ZNF862: variants seen among roughly 807,000 people sequenced by gnomAD.
ZNF862 encodes zinc finger protein 862.
A neutral mutation model predicts 91.1 loss-of-function variants in ZNF862; 64 were observed. The ratio of observed to expected loss-of-function variants is 0.70; its 90% CI spans 0.57 to 0.87. The LOEUF is 0.87. ZNF862 is among the 40% of genes least tolerant of loss of function. ZNF862 has a pLI of 0.00. For missense variants in ZNF862, 1,459 were observed against 1,528.0 expected (o/e 0.95, Z 0.75); for synonymous variants, 631 against 618.1 (o/e 1.02, Z -0.31).
intron 6 of ZNF862, 113 bp from the exon 7 acceptor site, chr7:149,860,270 C>T (rs897275559): frequency 3.3e-6 from 3 of 919,314 alleles, no homozygotes; most frequent in Admixed American, 5.8e-5. Context: ...GGATTGCATT[C>T]ATCTTCTCTG....
Position 149,861,170 on chromosome 7 carries a change from C to A in ZNF862, c.2010C>A (p.Tyr670Ter), listed in dbSNP as rs1386332211. 2.5e-6 allele frequency: 4 copies of A among 1,612,974 alleles called. No homozygotes were observed. The highest frequency in any genetic ancestry group is 3.4e-6 in the Non-Finnish European group (4 of 1,179,806). ...TCTACAGTGAGACAGCAGATGGGTA[C>A]TTCGAGACCATCGTTTCTGCCCTGG... ...APLYSETADG[Y>*]FETIVSALDE... Residue 670 changes from tyrosine to a stop codon, truncating the protein, a stop_gained, in exon 7 of 8, where the codon TAC (tyrosine) becomes TAA (stop). Coordinates refer to ENST00000223210, the MANE Select transcript of ZNF862 (RefSeq NM_001099220.3). LOFTEE classifies it high-confidence loss of function. This position sits in a 1 kb window ranked among gnomAD's most constrained non-coding sequence, Gnocchi z 6.7.
intron 7 of ZNF862, 29 bp from the exon 8 acceptor site, chr7:149,864,080 C>A: frequency 1.9e-6 from 3 of 1,551,164 alleles, no homozygotes; most frequent in Non-Finnish European, 2.6e-6. Context: ...GTCAGTCAGT[C>A]TAATTGTATT....
intron 2 of ZNF862, 148 bp from the exon 3 acceptor site, chr7:149,846,003 A>T (rs1801855469): frequency 3.2e-6 from 2 of 627,290 alleles, no homozygotes; most frequent in South Asian, 1.9e-5. Context: ...GTGCTGAACC[A>T]CCAAGACTCC....
At position 149,860,986 on chromosome 7, in the gene ZNF862, C is replaced by T. The variant is rs535854403; in HGVS notation, c.1826C>T (p.Thr609Ile). ...CTQFIKYISE[T>I]LKREILEDVR... ...CAGTTCATCAAGTACATCTCAGAGA[C>T]CCTGAAGAGGGAGATCCTGGAGGAC... The change falls in exon 7 of 8, where the codon ACC (threonine) becomes ATC (isoleucine). Residue 609 changes from threonine to isoleucine, a missense_variant. Coordinates refer to ENST00000223210, the MANE Select transcript of ZNF862 (RefSeq NM_001099220.3). The T allele has an allele frequency of 3.7e-6, 6 of 1,613,484 alleles. No homozygotes were observed. Among genetic ancestry groups the T allele is most frequent in the Non-Finnish European group, 5.1e-6 (6 of 1,179,788 alleles).
At chr7:149,841,652 C>T (rs931546628) in intron 1 of ZNF862, 80 of 985,206 alleles carry the variant, frequency 8.1e-5, no homozygotes, top group Non-Finnish European at 2.5e-5. Flanking sequence ...CCTCATGTGC[C>T]TCCTAGGAGA....
At position 149,848,327 on chromosome 7, in the gene ZNF862, T is replaced by G. The variant is rs776015496; in HGVS notation, c.834T>G (p.Tyr278Ter). The change falls in exon 4 of 8, where the codon TAT becomes TAG. Residue 278 changes from tyrosine to a stop codon, truncating the protein, a stop_gained. Transcript: ENST00000223210. LOFTEE classifies it high-confidence loss of function. ...PGGDGAIPAM[Y>*]LDCISDLRQK... ...GGGATGGAGCAATTCCTGCAATGTA[T>G]CTAGACTGCATTTCAGATTTGAGGC... The G allele has an allele frequency of 6.2e-7, 1 of 1,607,980 alleles. No individual in the cohort carries two copies. Among genetic ancestry groups the G allele is most frequent in the East Asian group, 2.2e-5 (1 of 44,794 alleles).
At chr7:149,856,115 A>G (rs1267477239) in intron 5 of ZNF862, 2 of 152,228 alleles carry the variant, frequency 1.3e-5, no homozygotes, top group African/African-American at 2.4e-5. Context: ...GCCCTCAGCC[A>G]TTCTCTTTCC....
chr7:149,841,661 G>C, intron 1 of ZNF862: 2 of 985,436 alleles, frequency 2.0e-6, no homozygotes, highest in Non-Finnish European at 2.4e-6. Context: ...CCTCCTAGGA[G>C]ACTGTGCTGT....
At chr7:149,846,290 G>C in intron 3 of ZNF862, 35 bp downstream of exon 3, 1 of 1,544,638 alleles carries the variant, frequency 6.5e-7, no homozygotes, top group Non-Finnish European at 8.9e-7. Context: ...GCAGATGCTT[G>C]GCTGGAGAGG....
chr7:149,862,827 A>G (rs1055124646), intron 7 of ZNF862, among the ~76,000 whole-genome samples: 1 of 152,348 alleles, frequency 6.6e-6, no homozygotes, highest in East Asian at 1.9e-4. Context: ...CATCTGCCGA[A>G]TGAGTTGTGT....
intron 1 of ZNF862, among the ~76,000 whole-genome samples, chr7:149,843,674 A>C (rs900946767): frequency 5.9e-5 from 9 of 152,290 alleles, no homozygotes; most frequent in Admixed American, 2.0e-4. Context: ...CCGAAAATGT[A>C]ATAGCTCTGT....
rs1334191666 is a variant in ZNF862 at position 149,866,219 on chromosome 7, C to A, written c.*1935C>A. ...CCTGTGGGTCTGGCGGTCAGAGGGA[C>A]CCCACAGGCCTGTGGTGCGGGAGCT... On this transcript the variant is annotated 3_prime_UTR_variant, in exon 8 of 8. Transcript: ENST00000223210. The A allele has an allele frequency of 6.6e-6, 1 of 152,144 alleles. No individual in the cohort carries two copies. The highest frequency in any genetic ancestry group is 1.9e-4 in the East Asian group (1 of 5,184). 9.4% of individuals were successfully genotyped at this position (152,144 alleles called of 1,614,324 possible).
chr7:149,853,665 C>T (rs1036610633), intron 5 of ZNF862, among the ~76,000 whole-genome samples: 12 of 152,110 alleles, frequency 7.9e-5, no homozygotes, highest in African/African-American at 2.2e-4. Flanking sequence ...CTGCCGGGTG[C>T]GGTGGCTCAC....
chr7:149,841,711 T>C (rs1801710684), intron 1 of ZNF862: 1 of 985,458 alleles, frequency 1.0e-6, no homozygotes, highest in South Asian at 4.7e-5. Context: ...TACTTGTTGC[T>C]GTATGTATTT....
intron 5 of ZNF862, among the ~76,000 whole-genome samples, chr7:149,857,966 C>A (rs1304312977): frequency 6.6e-6 from 1 of 152,120 alleles, no homozygotes; most frequent in Non-Finnish European, 1.5e-5. Context: ...GGTCTGGAGC[C>A]TTTCTGGATA....
At chr7:149,844,102 A>G (rs928424023) in intron 1 of ZNF862, among the ~76,000 whole-genome samples, 1 of 152,146 alleles carries the variant, frequency 6.6e-6, no homozygotes, top group African/African-American at 2.4e-5. Flanking sequence ...AACTCCTCCA[A>G]ACACTTTCTG....
At position 149,861,747 on chromosome 7, in the gene ZNF862, G is replaced by A. The variant is rs767329657; in HGVS notation, c.2587G>A (p.Val863Met). ...PLSEVCQKEI[V>M]LITEVNATLG... ...GTCCGAGGTGTGCCAGAAGGAGATC[G>A]TGCTGATTACAGAGGTGAACGCCAC... The change falls in exon 7 of 8, where the codon GTG becomes ATG. Residue 863 changes from valine to methionine, a missense_variant. Physicochemically the swap from Val to Met is conservative, Grantham distance 21. Transcript: ENST00000223210. This position sits in a 1 kb window ranked among gnomAD's most constrained non-coding sequence, Gnocchi z 6.7. 9 of 1,613,596 alleles carry A rather than the reference G, an allele frequency of 5.6e-6. No individual in the cohort carries two copies. In the East Asian group the frequency reaches 8.9e-5, roughly 16 times the overall value.
At position 149,860,515 on chromosome 7, in the gene ZNF862, G is replaced by A; in HGVS notation, c.1355G>A (p.Gly452Glu). ...TCCAGCATTTGTGAGGAAGGAGATG[G>A]ACCTAGGAGAATCAAGAGGACATAC... The part of the protein sequence containing the change: ...CSSSICEEGD[G>E]PRRIKRTYRP... Residue 452 changes from glycine (G) to glutamate (E), a missense_variant, in exon 7 of 8, where the codon GGA becomes GAA. Transcript: ENST00000223210. The A allele has an allele frequency of 6.2e-7, 1 of 1,613,968 alleles. No homozygotes were observed. The highest frequency in any genetic ancestry group is 8.5e-7 in the Non-Finnish European group (1 of 1,179,890).
chr7:149,861,207 A>G lies in ZNF862; in HGVS notation c.2047A>G (p.Ile683Val), dbSNP rs1802476418. 1.9e-6 allele frequency: 3 copies of G among 1,612,512 alleles called. No homozygotes were observed. The highest frequency in any genetic ancestry group is 1.3e-5 in the African/African-American group (1 of 75,062). ...CGTTTCTGCCCTGGATGAGCTGGAC[A>G]TCCCCTTCCGGAAGCCTGGCTGGGT... ...TIVSALDELD[I>V]PFRKPGWVVG... is the part of the protein sequence containing the mutation. Residue 683 changes from isoleucine (I) to valine (V), a missense_variant, in exon 7 of 8, where the codon ATC (isoleucine) becomes GTC (valine). Coordinates refer to ENST00000223210, the MANE Select transcript of ZNF862 (RefSeq NM_001099220.3). The surrounding 1 kb of genome is among the most constrained non-coding windows in gnomAD (Gnocchi z 6.7).
Sources: allele counts gnomAD v4.1 joint callset (sites outside exome capture counted in the v4.1 genomes callset), GRCh38; gene constraint gnomAD v4.1.1; non-coding constraint Gnocchi (gnomAD v3.1); transcripts MANE v1.5; gene names NCBI Gene and HGNC (gene_info 2026-07-23, HGNC 2026-07-21).